The following SPEN variants were observed in gnomAD, a reference collection of about 807,000 sequenced individuals.
The protein encoded by SPEN is msx2-interacting protein.
Under a neutral mutation model 269.9 loss-of-function variants are expected in SPEN, and 18 were observed. That is an observed-to-expected ratio of 0.07 (90% CI 0.05 to 0.10). The LOEUF (loss-of-function observed/expected upper bound fraction) is 0.10, where lower values mean the gene tolerates loss of function less well. SPEN is among the 10% of genes least tolerant of loss of function. SPEN has a pLI of 1.00. For missense variants in SPEN, 3,822 were observed against 4,631.2 expected (o/e 0.83, Z 5.07); for synonymous variants, 1,726 against 1,765.7 (o/e 0.98, Z 0.56).
At chr1:15,877,781 G>A (rs1261688246) in intron 3 of SPEN, among the ~76,000 whole-genome samples, 1 of 107,788 alleles carries the variant, frequency 9.3e-6, no homozygotes, top group Non-Finnish European at 1.7e-5. Flanking sequence ...TCTCGCTCTT[G>A]TCACCTAGGC....
At chr1:15,878,857 A>T (rs2148713065) in intron 3 of SPEN, among the ~76,000 whole-genome samples, 1 of 151,902 alleles carries the variant, frequency 6.6e-6, no homozygotes, top group African/African-American at 2.4e-5. Flanking sequence ...TAAAAATACA[A>T]AAATTAGCCA....
Position 15,904,452 on chromosome 1 carries a change from CAAAAAA to C in SPEN, c.882-4849_882-4844del, listed in dbSNP as rs1215369183. On this transcript the variant is annotated intron_variant, in intron 3 of 14. Coordinates refer to ENST00000375759, the MANE Select transcript of SPEN (RefSeq NM_015001.3). ...GGGCAATAAGAGCGAAACTCCATCT[CAAAAAA>C]AAAAAAAAAAAAAAAAAAAGTGAAC... Among the ~76,000 whole-genome samples the C allele has an allele frequency of 3.1e-3, 149 of 48,624 alleles. 3 individuals carry two copies. The South Asian group carries it at 0.045, about 15-fold the overall frequency. 31.9% of individuals were successfully genotyped at this position (48,624 alleles called of 152,430 possible).
intron 5 of SPEN, among the ~76,000 whole-genome samples, chr1:15,911,570 C>T (rs571154098): frequency 6.6e-6 from 1 of 152,134 alleles, no homozygotes; most frequent in African/African-American, 2.4e-5. Context: ...ACTGTGTAGA[C>T]CCTTATTGAG....
At position 15,930,066 on chromosome 1, in the gene SPEN, A is replaced by C; in HGVS notation, c.3826A>C (p.Ile1276Leu). ...HGSFHEDEDP[I>L]GSPRLLSVKG... ...TTCCTTCCATGAAGATGAGGATCCCATAGGCTCCCCTAGGCTACTGTCAGT... is the reference window on the plus strand; with the variant it reads ...TTCCTTCCATGAAGATGAGGATCCCCTAGGCTCCCCTAGGCTACTGTCAGT... The change falls in exon 11 of 15, where the codon ATA becomes CTA. Residue 1276 changes from isoleucine to leucine, a missense_variant. This residue lies in a region of SPEN where 267 missense variants were observed against 315.5 expected (regional missense o/e 0.85). Coordinates refer to ENST00000375759, the MANE Select transcript of SPEN (RefSeq NM_015001.3). The surrounding 1 kb of genome is among the most constrained non-coding windows in gnomAD (Gnocchi z 5.3). 1 of 1,614,204 alleles carries C rather than the reference A, an allele frequency of 6.2e-7. No individual in the cohort carries two copies. Among genetic ancestry groups the C allele is most frequent in the South Asian group, 1.1e-5 (1 of 91,088 alleles).
chr1:15,848,141 AT>A lies in SPEN; in HGVS notation c.77del (p.Phe26SerfsTer72). ...GTGCGGGAAGAGAAGATCATCGAGC[AT>A]TTCAAACGGTGAGTGACACGAGGCC... The part of the protein sequence containing the change: ...ENVREEKIIE[H>X]FKRYGRVESV... On this transcript the variant is annotated frameshift_variant, in exon 1 of 15. Transcript: ENST00000375759. LOFTEE classifies it high-confidence loss of function. The surrounding 1 kb of genome is among the most constrained non-coding windows in gnomAD (Gnocchi z 5.1). 1 of 1,491,622 alleles carries A rather than the reference AT, an allele frequency of 6.7e-7. No individual in the cohort carries two copies. Among genetic ancestry groups the A allele is most frequent in the Non-Finnish European group, 9.0e-7 (1 of 1,111,976 alleles). 92.4% of individuals were successfully genotyped at this position (1,491,622 alleles called of 1,614,324 possible). A position where few individuals can be genotyped will look rare whatever the true frequency, so the allele number is the denominator to read the frequency against.
chr1:15,886,619 A>T (rs952895545), intron 3 of SPEN, among the ~76,000 whole-genome samples: 2 of 152,164 alleles, frequency 1.3e-5, no homozygotes, highest in African/African-American at 2.4e-5. Flanking sequence ...TACAAACTCT[A>T]TTTTTAATAC....
chr1:15,908,803 T>C (rs1281150968), intron 3 of SPEN, among the ~76,000 whole-genome samples: 2 of 152,254 alleles, frequency 1.3e-5, no homozygotes, highest in Non-Finnish European at 2.9e-5. Flanking sequence ...TTGGGTATGA[T>C]GCAATTTTAG....
Position 15,861,998 on chromosome 1 carries a change from C to T in SPEN, c.84-10818C>T, listed in dbSNP as rs79463762. 2.4e-4 allele frequency among the ~76,000 whole-genome samples: 37 copies of T among 152,212 alleles called. No homozygotes were observed. In the East Asian group the frequency reaches 6.2e-3, roughly 25 times the overall value. ...CCGAGGTTGCAGTGAGCTGAGATTG[C>T]GCCACTTTACTCCAGCCTGGGTGAC... is the stretch of plus-strand genomic sequence containing the variant. On this transcript the variant is annotated intron_variant, in intron 1 of 14. Transcript: ENST00000375759.
chr1:15,888,327 TTA>T (rs1402850487), intron 3 of SPEN, among the ~76,000 whole-genome samples: 2 of 141,746 alleles, frequency 1.4e-5, no homozygotes, highest in African/African-American at 6.3e-5. Flanking sequence ...TTTTTTAATT[TTA>T]TTATTTTTTT....
chr1:15,907,312 T>C (rs2070968644), intron 3 of SPEN, among the ~76,000 whole-genome samples: 1 of 151,990 alleles, frequency 6.6e-6, no homozygotes, highest in African/African-American at 2.4e-5. Flanking sequence ...TGAAACCCTG[T>C]CTCCACTAAA....
chr1:15,938,349 C>G (rs1570076297), intron 13 of SPEN, among the ~76,000 whole-genome samples: 1 of 152,208 alleles, frequency 6.6e-6, no homozygotes, highest in East Asian at 1.9e-4. Flanking sequence ...CTCCTGACCT[C>G]AAGTGATCTG....
chr1:15,930,517 T>C lies in SPEN; in HGVS notation c.4277T>C (p.Leu1426Ser), dbSNP rs766405148. ...RERDERLSSS[L>S]ERNKFYSFAL... is the part of the protein sequence containing the mutation. ...CGAGATGAAAGACTCTCTAGTTCTT[T>C]AGAAAGGAACAAATTTTACTCTTTT... Residue 1426 changes from leucine to serine, a missense_variant, in exon 11 of 15, where the codon TTA (leucine) becomes TCA (serine). Physicochemically the swap from Leu to Ser is moderately radical, Grantham distance 145. Transcript: ENST00000375759. This position sits in a 1 kb window ranked among gnomAD's most constrained non-coding sequence, Gnocchi z 5.3. 3.1e-6 allele frequency: 5 copies of C among 1,614,172 alleles called. No homozygotes were observed. The highest frequency in any genetic ancestry group is 4.5e-5 in the East Asian group (2 of 44,884).
chr1:15,856,639 C>T (rs1377615710), intron 1 of SPEN, among the ~76,000 whole-genome samples: 1 of 144,998 alleles, frequency 6.9e-6, no homozygotes, highest in Non-Finnish European at 1.5e-5. Context: ...ATGATCTCGG[C>T]TCACTGCAAC....
Position 15,932,985 on chromosome 1 carries a change from C to A in SPEN, c.6745C>A (p.Pro2249Thr), listed in dbSNP as rs777991847. ...YPGESQTDLQPPAGAQALQPS... is the reference protein window; with the variant it reads ...YPGESQTDLQTPAGAQALQPS... ...TGGAGAATCCCAGACAGATCTGCAA[C>A]CCCCCGCAGGTGCACAGGCGCTGCA... Residue 2249 changes from proline to threonine, a missense_variant, in exon 11 of 15, where the codon CCC (proline) becomes ACC (threonine). This residue lies in a region of SPEN where 727 missense variants were observed against 737.9 expected (regional missense o/e 0.99). Transcript: ENST00000375759. This position sits in a 1 kb window ranked among gnomAD's most constrained non-coding sequence, Gnocchi z 4.2. 4 of 1,614,138 alleles carry A rather than the reference C, an allele frequency of 2.5e-6. No individual in the cohort carries two copies. The highest frequency in any genetic ancestry group is 3.4e-6 in the Non-Finnish European group (4 of 1,180,004).
chr1:15,860,635 G>T (rs1208343631), intron 1 of SPEN, among the ~76,000 whole-genome samples: 2 of 150,562 alleles, frequency 1.3e-5, no homozygotes, highest in Admixed American at 6.7e-5. Flanking sequence ...ATGGAGTCTT[G>T]CTCTGTCTCC....
rs552156958 is a variant in SPEN at position 15,852,508 on chromosome 1, G to A, written c.83+4358G>A. Among the ~76,000 whole-genome samples the A allele has an allele frequency of 6.3e-4, 96 of 152,026 alleles. 1 individual carries two copies. The highest frequency in any genetic ancestry group is 2.3e-3 in the African/African-American group (94 of 41,484). On this transcript the variant is annotated intron_variant, in intron 1 of 14. Coordinates refer to ENST00000375759, the MANE Select transcript of SPEN (RefSeq NM_015001.3). ...CAAAATAATAAAAAATAATAAAATG[G>A]GTTTTATTTCCCAAAAGGAACGCCC...
At chr1:15,859,560 AG>A (rs570830083) in intron 1 of SPEN, among the ~76,000 whole-genome samples, 51 of 151,206 alleles carry the variant, frequency 3.4e-4, no homozygotes, top group South Asian at 2.5e-3. Context: ...TAGTAGAGAC[AG>A]GGTTTCACCG....
chr1:15,933,620 C>T lies in SPEN; in HGVS notation c.7380C>T (p.Thr2460=). ...VHSIIESDPV[T]PPSDPSIPIP... is the part of the protein sequence containing the mutation. The stretch of plus-strand genomic sequence containing the variant: ...CCATCATTGAAAGTGACCCGGTGAC[C>T]CCACCCAGCGATCCAAGCATCCCCA... The change falls in exon 11 of 15, where the codon ACC becomes ACT. Residue 2460 remains threonine, a synonymous_variant. Coordinates refer to ENST00000375759, the MANE Select transcript of SPEN (RefSeq NM_015001.3). This position sits in a 1 kb window ranked among gnomAD's most constrained non-coding sequence, Gnocchi z 5.7. 1 of 1,614,084 alleles carries T rather than the reference C, an allele frequency of 6.2e-7. No individual in the cohort carries two copies. Among genetic ancestry groups the T allele is most frequent in the Non-Finnish European group, 8.5e-7 (1 of 1,180,008 alleles).
At chr1:15,872,621 G>T (rs1357724976) in intron 1 of SPEN, among the ~76,000 whole-genome samples, 195 bp from the exon 2 acceptor site, 1 of 150,350 alleles carries the variant, frequency 6.7e-6, no homozygotes, top group Non-Finnish European at 1.5e-5. Context: ...AAAAAGAAAT[G>T]AGAGTAATGT....
Sources: gnomAD v4.1 joint callset for allele counts (sites outside exome capture counted in the v4.1 genomes callset) on GRCh38, gnomAD v4.1.1 for gene constraint, gnomAD v4.1.1 regional missense constraint, Gnocchi (gnomAD v3.1) non-coding constraint, MANE v1.5 for transcripts, NCBI Gene and HGNC (gene_info 2026-07-23, HGNC 2026-07-21) for gene names.